The following COL4A1 variants were observed in gnomAD, a reference collection of about 807,000 sequenced individuals.
COL4A1 encodes the protein collagen alpha-1(IV) chain.
COL4A1 carries 40 observed loss-of-function variants against 216.6 expected under a neutral mutation model. The ratio of observed to expected loss-of-function variants is 0.18; its 90% CI spans 0.14 to 0.24. COL4A1 has a LOEUF of 0.24. Among genes scored for constraint, COL4A1 ranks in the 10% least tolerant of loss-of-function variants. The pLI, the probability that COL4A1 is intolerant of heterozygous loss-of-function variation, is 1.00. For synonymous variants in COL4A1, 839 were observed against 810.7 expected, an observed-to-expected ratio of 1.03 and a Z score of -0.59; for missense variants, 1,628 against 2,196.8, an observed-to-expected ratio of 0.74 and a Z score of 5.18.
chr13:110,238,185 A>T (rs1169376298), intron 2 of COL4A1, among the ~76,000 whole-genome samples: 2 of 152,224 alleles, frequency 1.3e-5, no homozygotes, highest in Admixed American at 1.3e-4. Context: ...TTTGCTGAGG[A>T]TCTGGGTATC....
At chr13:110,154,539 C>G (rs1037864346) in intron 50 of COL4A1, among the ~76,000 whole-genome samples, 2 of 152,258 alleles carry the variant, frequency 1.3e-5, no homozygotes, top group South Asian at 2.1e-4. Flanking sequence ...CGTGGAGGCT[C>G]TCTTCCTCCT....
intron 1 of COL4A1, among the ~76,000 whole-genome samples, chr13:110,263,923 T>G (rs921270234): frequency 1.3e-5 from 2 of 152,168 alleles, no homozygotes; most frequent in African/African-American, 4.8e-5. Context: ...TTACTATTAT[T>G]TAAAAAAGAA....
rs755795704 is a variant in COL4A1, at chr13:110,173,907, A to G, written c.3498T>C (p.Gly1166=). ...TGGGGCGTTGGGCCATACCTGGTTC[A>G]CCCTTCTCTCCTGCTGACCCCGGGA... The part of the protein sequence containing the change: ...DGIPGSAGEK[G]EPGLPGRGFP... The change falls in exon 40 of 52, where the codon GGT becomes GGC. Residue 1166 remains glycine, a synonymous_variant. Transcript: ENST00000375820. 9.3e-6 allele frequency: 15 copies of G among 1,613,792 alleles called. No homozygotes were observed. Among genetic ancestry groups the G allele is most frequent in the Middle Eastern group, 3.3e-4 (2 of 6,084 alleles).
At chr13:110,231,401 G>A (rs1230957533) in intron 2 of COL4A1, among the ~76,000 whole-genome samples, 4 of 152,220 alleles carry the variant, frequency 2.6e-5, no homozygotes, top group African/African-American at 4.8e-5. Context: ...ATTTGGAGGC[G>A]TAAATCATGG....
chr13:110,235,492 T>C (rs1460353182), intron 2 of COL4A1, among the ~76,000 whole-genome samples: 2 of 151,452 alleles, frequency 1.3e-5, no homozygotes, highest in Non-Finnish European at 2.9e-5. Flanking sequence ...CTACTAAAAA[T>C]ACAAAAAAAT....
At chr13:110,242,629 G>C (rs897956992) in intron 2 of COL4A1, 46 bp downstream of exon 2, 1 of 1,587,962 alleles carries the variant, frequency 6.3e-7, no homozygotes, top group Middle Eastern at 1.7e-4. Context: ...AGTACTTACT[G>C]TCCAATTCAC....
At position 110,255,904 on chromosome 13, in the gene COL4A1, G is replaced by A. The variant is rs1384804491; in HGVS notation, c.85-13170C>T. 8.5e-5 allele frequency among the ~76,000 whole-genome samples: 10 copies of A among 117,726 alleles called. 1 individual carries two copies. Among genetic ancestry groups the A allele is most frequent in the Admixed American group, 3.0e-4 (3 of 10,054 alleles). The allele number at this position is 117,726 out of a possible 152,430, so 77.2% of individuals were successfully genotyped here. ...AAGGGAGGGGGAAGGCAGGAAGGGA[G>A]GGGGAAGGCAGGAAGGGAGGGGGAA... On this transcript the variant is annotated intron_variant, in intron 1 of 51. Coordinates refer to ENST00000375820, the MANE Select transcript of COL4A1 (RefSeq NM_001845.6).
At chr13:110,195,251 A>C in intron 21 of COL4A1, 133 bp from the exon 22 acceptor site, 3 of 778,544 alleles carry the variant, frequency 3.9e-6, no homozygotes, top group Non-Finnish European at 6.8e-6. Flanking sequence ...AGTTTGTTTC[A>C]AAATCATCTT....
chr13:110,214,057 A>G, intron 2 of COL4A1, 42 bp from the exon 3 acceptor site: 1 of 1,548,400 alleles, frequency 6.5e-7, no homozygotes, highest in Non-Finnish European at 8.9e-7. Context: ...GCAGCAGTAA[A>G]GAACAGAGGA....
intron 46 of COL4A1, 21 bp from the exon 47 acceptor site, chr13:110,163,582 T>A: frequency 1.3e-6 from 2 of 1,599,360 alleles, no homozygotes; most frequent in East Asian, 2.2e-5. Flanking sequence ...GGAAAAATAA[T>A]TTATGATCCT....
chr13:110,161,053 C>T, intron 49 of COL4A1, 139 bp downstream of exon 49: 2 of 965,964 alleles, frequency 2.1e-6, no homozygotes, highest in Non-Finnish European at 3.1e-6. Context: ...ATTTCCATTA[C>T]AAAACTCGAA....
intron 24 of COL4A1, among the ~76,000 whole-genome samples, chr13:110,189,277 G>C (rs1215902580): frequency 6.6e-6 from 1 of 152,182 alleles, no homozygotes; most frequent in Non-Finnish European, 1.5e-5. Context: ...TGGTCAGGCC[G>C]GTCTCGAACT....
rs557162939 is a variant in COL4A1 at position 110,158,902 on chromosome 13, C to A, written c.4640+2290G>T. 1.0e-3 allele frequency among the ~76,000 whole-genome samples: 155 copies of A among 152,166 alleles called. 1 individual carries two copies. Among genetic ancestry groups the A allele is most frequent in the African/African-American group, 3.4e-3 (143 of 41,500 alleles). Reference sequence around the variant, plus strand: ...GGATTACAGGCATGTAACACCACACCCAGCTAATTTTTGTATTTTTAGTAG... The same window carrying A: ...GGATTACAGGCATGTAACACCACACACAGCTAATTTTTGTATTTTTAGTAG... On this transcript the variant is annotated intron_variant, in intron 49 of 51. Coordinates refer to ENST00000375820, the MANE Select transcript of COL4A1 (RefSeq NM_001845.6).
intron 2 of COL4A1, among the ~76,000 whole-genome samples, chr13:110,230,335 A>G (rs1393886153): frequency 6.6e-6 from 1 of 151,874 alleles, no homozygotes. Flanking sequence ...CATGCACGTG[A>G]TGTGTGCATG....
chr13:110,178,011 G>T (rs1186110842), intron 32 of COL4A1, 53 bp downstream of exon 32: 4 of 1,613,882 alleles, frequency 2.5e-6, no homozygotes, highest in Non-Finnish European at 3.4e-6. Context: ...AAAGAATAAG[G>T]TGAGGCCCAT....
intron 4 of COL4A1, 101 bp from the exon 5 acceptor site, chr13:110,212,719 T>C: frequency 1.4e-6 from 2 of 1,381,928 alleles, no homozygotes; most frequent in South Asian, 2.3e-5. Flanking sequence ...TCATTTTTGG[T>C]GTCAGAACAC....
chr13:110,187,768 C>T (rs532224194), intron 24 of COL4A1, among the ~76,000 whole-genome samples: 4 of 152,318 alleles, frequency 2.6e-5, no homozygotes, highest in African/African-American at 9.6e-5. Context: ...CTGCCTGCTG[C>T]CTCAGCCCCA....
chr13:110,284,713 T>G (rs1282833584), intron 1 of COL4A1, among the ~76,000 whole-genome samples: 2 of 152,154 alleles, frequency 1.3e-5, no homozygotes, highest in African/African-American at 4.8e-5. Context: ...CCTCATGATA[T>G]GAAAAAGAGA....
chr13:110,253,849 C>T (rs1008010652), intron 1 of COL4A1, among the ~76,000 whole-genome samples: 5 of 144,658 alleles, frequency 3.5e-5, no homozygotes, highest in African/African-American at 1.0e-4. Flanking sequence ...TATAATTATA[C>T]GTATATATGT....
Sources: gnomAD v4.1 joint callset for allele counts (sites outside exome capture counted in the v4.1 genomes callset) on GRCh38, gnomAD v4.1.1 for gene constraint, MANE v1.5 for transcripts, NCBI Gene and HGNC (gene_info 2026-07-23, HGNC 2026-07-21) for gene names.